ELL2: variants seen among roughly 807,000 people sequenced by gnomAD.
The protein encoded by ELL2 is elongation factor for RNA polymerase II 2, also known as RNA polymerase II elongation factor ELL2.
A neutral mutation model predicts 72.8 loss-of-function variants in ELL2; 21 were observed. The ratio of observed to expected loss-of-function variants is 0.29; its 90% CI spans 0.20 to 0.42. ELL2 has a LOEUF of 0.42. ELL2 is among the 10% of genes least tolerant of loss of function. The pLI is 1.00. For synonymous variants in ELL2, 266 were observed against 283.2 expected (o/e 0.94, Z 0.61); for missense variants, 568 against 772.8 (o/e 0.73, Z 3.14).
intron 8 of ELL2, among the ~76,000 whole-genome samples, chr5:95,897,496 G>A (rs1182868500): frequency 2.0e-5 from 3 of 152,182 alleles, no homozygotes; most frequent in African/African-American, 7.2e-5. Context: ...TCTTAGGCAA[G>A]CAAGCTTTTT....
intron 2 of ELL2, among the ~76,000 whole-genome samples, chr5:95,922,230 T>A (rs909038877): frequency 6.6e-6 from 1 of 152,148 alleles, no homozygotes; most frequent in Non-Finnish European, 1.5e-5. Flanking sequence ...GCCCGGCTAA[T>A]TTTTTGTATT....
intron 2 of ELL2, among the ~76,000 whole-genome samples, chr5:95,928,580 C>A (rs528377775): frequency 1.3e-5 from 2 of 152,322 alleles, no homozygotes; most frequent in South Asian, 4.1e-4. Context: ...CTACTCCACA[C>A]CCCTCAACAA....
chr5:95,941,214 T>G (rs1750956509), intron 2 of ELL2, among the ~76,000 whole-genome samples: 2 of 152,182 alleles, frequency 1.3e-5, no homozygotes, highest in Non-Finnish European at 2.9e-5. Context: ...CATTAAGATT[T>G]AAACCCATCA....
chr5:95,928,368 T>G (rs775839653), intron 2 of ELL2, among the ~76,000 whole-genome samples: 1 of 152,216 alleles, frequency 6.6e-6, no homozygotes, highest in Non-Finnish European at 1.5e-5. Flanking sequence ...GTTCAGCAAC[T>G]TATCATAAAG....
rs539740550 is a variant in ELL2, at chr5:95,926,009, G to A, written c.196-6464C>T. On this transcript the variant is annotated intron_variant, in intron 2 of 11. Coordinates refer to ENST00000237853, the MANE Select transcript of ELL2 (RefSeq NM_012081.6). Reference sequence around the variant, plus strand: ...TTAAAATCTAGAAAATATACTTTAAGCTAGAGAAATATATTTGCATGTACT... The same window carrying A: ...TTAAAATCTAGAAAATATACTTTAAACTAGAGAAATATATTTGCATGTACT... Among the ~76,000 whole-genome samples the A allele has an allele frequency of 1.4e-4, 21 of 152,248 alleles. No individual in the cohort carries two copies. The South Asian group carries it at 1.4e-3, about 11-fold the overall frequency.
chr5:95,899,196 C>G (rs1749024894), intron 7 of ELL2, among the ~76,000 whole-genome samples: 1 of 152,188 alleles, frequency 6.6e-6, no homozygotes, highest in Non-Finnish European at 1.5e-5. Flanking sequence ...GGCAGTCACC[C>G]TCCATTGCTG....
chr5:95,920,327 T>A (rs886824476), intron 2 of ELL2, among the ~76,000 whole-genome samples: 5 of 106,478 alleles, frequency 4.7e-5, no homozygotes, highest in African/African-American at 1.7e-4. Context: ...TTATTTATTT[T>A]TGAGACGGAG....
At chr5:95,900,569 T>C (rs1377660617) in intron 7 of ELL2, 124 bp downstream of exon 7, 9 of 662,840 alleles carry the variant, frequency 1.4e-5, no homozygotes, top group Non-Finnish European at 2.2e-5. Flanking sequence ...CATAACCAGA[T>C]GGCTTTGGGC....
At chr5:95,945,170 T>C (rs1388019513) in intron 1 of ELL2, among the ~76,000 whole-genome samples, 2 of 152,188 alleles carry the variant, frequency 1.3e-5, no homozygotes, top group Admixed American at 6.5e-5. Flanking sequence ...GCAGCAAATC[T>C]CAATGACTGG....
At chr5:95,933,434 G>C (rs1030843137) in intron 2 of ELL2, among the ~76,000 whole-genome samples, 1 of 152,248 alleles carries the variant, frequency 6.6e-6, no homozygotes, top group South Asian at 2.1e-4. Flanking sequence ...ATGTTAGGTA[G>C]CTATTTAAAA....
intron 3 of ELL2, among the ~76,000 whole-genome samples, chr5:95,916,466 A>G (rs1749802925): frequency 6.6e-6 from 1 of 152,178 alleles, no homozygotes; most frequent in South Asian, 2.1e-4. Context: ...GGAAACCAGA[A>G]GAGTACTGTG....
At chr5:95,932,019 T>C (rs946817761) in intron 2 of ELL2, among the ~76,000 whole-genome samples, 15 of 148,914 alleles carry the variant, frequency 1.0e-4, no homozygotes, top group Middle Eastern at 3.4e-3. Flanking sequence ...GCCCTAAAAA[T>C]GAACCAAACA....
At chr5:95,899,192 C>T (rs372982343) in intron 7 of ELL2, among the ~76,000 whole-genome samples, 27 of 152,296 alleles carry the variant, frequency 1.8e-4, no homozygotes, top group South Asian at 4.1e-4. Flanking sequence ...CAGAGGCAGT[C>T]ACCCTCCATT....
intron 9 of ELL2, among the ~76,000 whole-genome samples, chr5:95,893,667 G>A (rs1452685009): frequency 6.6e-6 from 1 of 152,150 alleles, no homozygotes; most frequent in African/African-American, 2.4e-5. Context: ...TTACAGGCGT[G>A]AGCCACCGCG....
rs577207705 is a variant in ELL2, at chr5:95,960,134, A to C, written c.147+1441T>G. Reference sequence around the variant, plus strand: ...AATTCTTTTCCCCACTTTTAGCTGAATAACTATGTGAATCTGTGTCTCGGT... The same window carrying C: ...AATTCTTTTCCCCACTTTTAGCTGACTAACTATGTGAATCTGTGTCTCGGT... On this transcript the variant is annotated intron_variant, in intron 1 of 11. Transcript: ENST00000237853. 7.9e-5 allele frequency among the ~76,000 whole-genome samples: 12 copies of C among 151,882 alleles called. No homozygotes were observed. In the South Asian group the frequency reaches 1.9e-3, roughly 24 times the overall value.
chr5:95,942,941 T>TA, intron 2 of ELL2, 61 bp downstream of exon 2: 1 of 1,339,796 alleles, frequency 7.5e-7, no homozygotes, highest in Non-Finnish European at 9.9e-7. Context: ...AAACGGATTT[T>TA]AAAAGTTGAA....
intron 4 of ELL2, among the ~76,000 whole-genome samples, chr5:95,910,166 T>C (rs1171481431): frequency 7.0e-6 from 1 of 142,464 alleles, no homozygotes; most frequent in East Asian, 1.9e-4. Flanking sequence ...AATACCCACC[T>C]TTTTTTTTAA....
intron 2 of ELL2, among the ~76,000 whole-genome samples, chr5:95,934,398 C>A (rs1309078032): frequency 1.3e-5 from 2 of 152,088 alleles, no homozygotes; most frequent in Non-Finnish European, 2.9e-5. Flanking sequence ...CCCCTAAGAA[C>A]CTCATCTTTT....
At chr5:95,922,349 A>C (rs778101600) in intron 2 of ELL2, among the ~76,000 whole-genome samples, 1 of 152,256 alleles carries the variant, frequency 6.6e-6, no homozygotes, top group African/African-American at 2.4e-5. Context: ...GGCGTGAGCC[A>C]CTGCGCCCAG....
Sources: gnomAD v4.1 joint callset for allele counts (sites outside exome capture counted in the v4.1 genomes callset) on GRCh38, gnomAD v4.1.1 for gene constraint, MANE v1.5 for transcripts, NCBI Gene and HGNC (gene_info 2026-07-23, HGNC 2026-07-21) for gene names.